CUL2: variants seen among roughly 807,000 people sequenced by gnomAD.
CUL2 encodes cullin-2.
CUL2 carries 22 observed loss-of-function variants against 110.2 expected under a neutral mutation model. The ratio of observed to expected loss-of-function variants is 0.20; its 90% CI spans 0.14 to 0.28. CUL2 has a LOEUF of 0.28. Among genes scored for constraint, CUL2 ranks in the 10% least tolerant of loss-of-function variants. The pLI, the probability that CUL2 is intolerant of heterozygous loss-of-function variation, is 1.00. For synonymous variants in CUL2, 279 were observed against 293.2 expected (o/e 0.95, Z 0.49); for missense variants, 631 against 905.5 (o/e 0.70, Z 3.89).
chr10:35,026,259 G>A (rs1030484066), intron 16 of CUL2, among the ~76,000 whole-genome samples: 14 of 152,152 alleles, frequency 9.2e-5, no homozygotes, highest in African/African-American at 2.7e-4. Context: ...CAGATTGCCT[G>A]CTTAGTTCTA....
At chr10:35,117,458 G>C (rs1461372921) in intron 1 of CUL2, among the ~76,000 whole-genome samples, 1 of 151,454 alleles carries the variant, frequency 6.6e-6, no homozygotes, top group East Asian at 1.9e-4. Context: ...TTGAACTCCT[G>C]AGCTCAAGCA....
intron 17 of CUL2, among the ~76,000 whole-genome samples, chr10:35,021,240 T>C (rs934088879): frequency 4.7e-5 from 7 of 150,310 alleles, no homozygotes; most frequent in Middle Eastern, 3.4e-3. Flanking sequence ...ATCTGCAGCA[T>C]GTTTTCTTTC....
chr10:35,013,497 T>C (rs2084954702), intron 19 of CUL2, among the ~76,000 whole-genome samples: 1 of 152,168 alleles, frequency 6.6e-6, no homozygotes, highest in Non-Finnish European at 1.5e-5. Flanking sequence ...AACCATACCC[T>C]TTTCCTTAGA....
rs551902517 is a variant in CUL2 at position 35,120,068 on chromosome 10, T to C, written c.-51+6537A>G. The C allele has an allele frequency of 2.6e-5, 4 of 152,338 alleles. No individual in the cohort carries two copies. In the East Asian group the frequency reaches 5.8e-4, roughly 22 times the overall value. The allele number at this position is 152,338 out of a possible 1,614,324, so 9.4% of individuals were successfully genotyped here. On this transcript the variant is annotated intron_variant, in intron 1 of 5. Coordinates refer to the CUL2 transcript ENST00000685421. Reference sequence around the variant, plus strand: ...CCAGAAAGAGAGAAAACTGATCATCTATGGGGACTGCATGTATTATCAAGC... The same window carrying C: ...CCAGAAAGAGAGAAAACTGATCATCCATGGGGACTGCATGTATTATCAAGC...
At chr10:35,050,835 T>C (rs207470791) in intron 5 of CUL2, among the ~76,000 whole-genome samples, 3 of 152,374 alleles carry the variant, frequency 2.0e-5, no homozygotes, top group South Asian at 2.1e-4. Flanking sequence ...TTCTCTGATA[T>C]ACATCTACAA....
chr10:35,049,138 T>C (rs1021865394), intron 6 of CUL2, among the ~76,000 whole-genome samples: 2 of 152,214 alleles, frequency 1.3e-5, no homozygotes, highest in Non-Finnish European at 2.9e-5. Flanking sequence ...AGGAAAATGT[T>C]CTTTGTACTA....
At chr10:35,110,839 T>C (rs2087515857) in intron 1 of CUL2, among the ~76,000 whole-genome samples, 2 of 152,156 alleles carry the variant, frequency 1.3e-5, no homozygotes, top group African/African-American at 4.8e-5. Flanking sequence ...TTTAACTTAA[T>C]CATATCTTTA....
upstream of CUL2, among the ~76,000 whole-genome samples, chr10:35,092,532 C>T (rs1312650944): frequency 1.3e-5 from 2 of 152,232 alleles, no homozygotes; most frequent in Non-Finnish European, 2.9e-5. Context: ...ACATGCACTT[C>T]TGCATGCCAA....
intron 1 of CUL2, among the ~76,000 whole-genome samples, chr10:35,073,269 G>A (rs1263893707): frequency 3.9e-5 from 6 of 152,154 alleles, no homozygotes; most frequent in African/African-American, 1.4e-4. Context: ...TTGAGGGGAA[G>A]GTGAGAGTGG....
intron 1 of CUL2, among the ~76,000 whole-genome samples, chr10:35,117,304 C>T (rs2087620631): frequency 6.6e-6 from 1 of 152,182 alleles, no homozygotes; most frequent in Non-Finnish European, 1.5e-5. Flanking sequence ...GTGGTATGAT[C>T]TTGGCTCACT....
At chr10:35,070,292 C>T (rs1403833471) in intron 2 of CUL2, among the ~76,000 whole-genome samples, 1 of 152,238 alleles carries the variant, frequency 6.6e-6, no homozygotes, top group Non-Finnish European at 1.5e-5. Context: ...ACTTTTCTTA[C>T]TGCCTACTGC....
chr10:35,021,998 C>G (rs983349549), intron 17 of CUL2, among the ~76,000 whole-genome samples: 1 of 152,092 alleles, frequency 6.6e-6, no homozygotes, highest in African/African-American at 2.4e-5. Context: ...CTCGCAAGGA[C>G]CTGACTGCCA....
chr10:35,074,866 A>C (rs2086772384), intron 1 of CUL2, among the ~76,000 whole-genome samples: 1 of 152,150 alleles, frequency 6.6e-6, no homozygotes, highest in Non-Finnish European at 1.5e-5. Flanking sequence ...TGAGAACTCC[A>C]CACTTTCCTC....
At position 35,018,288 on chromosome 10, in the gene CUL2, C is replaced by CAA. The variant is rs11357517; in HGVS notation, c.1685-1896_1685-1895dup. On this transcript the variant is annotated intron_variant, in intron 17 of 20. Coordinates refer to ENST00000374749, the MANE Select transcript of CUL2 (RefSeq NM_003591.4). ...GGCAACAGAGCAAGACTCCATCTCACAAAAAAAAAAAAAAAAAAAAAAAAA... is the reference window on the plus strand; with the variant it reads ...GGCAACAGAGCAAGACTCCATCTCACAAAAAAAAAAAAAAAAAAAAAAAAAAA... Among the ~76,000 whole-genome samples the CAA allele has an allele frequency of 7.4e-4, 56 of 75,242 alleles. 2 individuals carry two copies. Among genetic ancestry groups the CAA allele is most frequent in the African/African-American group, 2.5e-3 (40 of 16,088 alleles). 49.4% of individuals were successfully genotyped at this position (75,242 alleles called of 152,430 possible). A position where few individuals can be genotyped will look rare whatever the true frequency, so the allele number is the denominator to read the frequency against.
At chr10:35,076,133 C>A (rs549788403) in intron 1 of CUL2, among the ~76,000 whole-genome samples, 4 of 152,216 alleles carry the variant, frequency 2.6e-5, no homozygotes, top group Admixed American at 6.5e-5. Flanking sequence ...ACATGGATGA[C>A]CCTCAAAAAC....
At chr10:35,045,422 A>G (rs2085910200) in intron 6 of CUL2, among the ~76,000 whole-genome samples, 1 of 152,022 alleles carries the variant, frequency 6.6e-6, no homozygotes, top group Non-Finnish European at 1.5e-5. Context: ...CCTCATTCAA[A>G]AAAAAAATTA....
chr10:35,061,461 CAAAA>C (rs11347736), intron 3 of CUL2, among the ~76,000 whole-genome samples: 1 of 97,340 alleles, frequency 1.0e-5, no homozygotes, highest in Admixed American at 1.1e-4. Flanking sequence ...CTCTGTCTCC[CAAAA>C]AAAAAAAAAA....
chr10:35,033,110 C>A, intron 11 of CUL2, 56 bp downstream of exon 11: 1 of 1,062,482 alleles, frequency 9.4e-7, no homozygotes, highest in South Asian at 1.9e-5. Context: ...TTGAAACTGC[C>A]TAAAGAATGA....
intron 1 of CUL2, chr10:35,074,226 T>G: frequency 6.5e-7 from 1 of 1,535,204 alleles, no homozygotes; most frequent in Non-Finnish European, 8.7e-7. Context: ...ACTCTGTACA[T>G]AAAGTACAAA....
Sources: gnomAD v4.1 joint callset for allele counts (sites outside exome capture counted in the v4.1 genomes callset) on GRCh38, gnomAD v4.1.1 for gene constraint, MANE v1.5 for transcripts, NCBI Gene and HGNC (gene_info 2026-07-23, HGNC 2026-07-21) for gene names.